CYTH3: variants seen among roughly 807,000 people sequenced by gnomAD.
CYTH3 encodes the protein cytohesin 3.
Under a neutral mutation model 55.1 loss-of-function variants are expected in CYTH3, and 23 were observed. That is an observed-to-expected ratio of 0.42 (90% confidence interval 0.30 to 0.59). The LOEUF is 0.59. Ranked by LOEUF, CYTH3 falls within the 20% of genes least tolerant of loss-of-function variation. The pLI is 0.20. For missense variants in CYTH3, 413 were observed against 524.8 expected (o/e 0.79, Z 2.08); for synonymous variants, 249 against 194.9 (o/e 1.28, Z -2.31).
Position 6,206,998 on chromosome 7 carries a change from T to C in CYTH3, c.35-16467A>G, listed in dbSNP as rs145510427. ...TAAGTAAACCATTATTTTTATGTCCTGTTTAAAAGAAAAAACACCAATACT... is the reference window on the plus strand; with the variant it reads ...TAAGTAAACCATTATTTTTATGTCCCGTTTAAAAGAAAAAACACCAATACT... On this transcript the variant is annotated intron_variant, in intron 1 of 12. Coordinates refer to ENST00000350796, the MANE Select transcript of CYTH3 (RefSeq NM_004227.4). Among the ~76,000 whole-genome samples the C allele has an allele frequency of 3.0e-4, 45 of 152,048 alleles. No homozygotes were observed. The East Asian group carries it at 8.1e-3, about 27-fold the overall frequency.
chr7:6,190,675 A>C, intron 1 of CYTH3, 144 bp from the exon 2 acceptor site: 1 of 607,748 alleles, frequency 1.6e-6, no homozygotes, highest in Non-Finnish European at 2.7e-6. Context: ...ACTGTATCTG[A>C]GACACTCATA....
At chr7:6,252,368 A>G (rs1240298931) in intron 1 of CYTH3, among the ~76,000 whole-genome samples, 1 of 152,186 alleles carries the variant, frequency 6.6e-6, no homozygotes, top group Non-Finnish European at 1.5e-5. Flanking sequence ...TCAGCCTCAC[A>G]TATACTCTCT....
intron 1 of CYTH3, among the ~76,000 whole-genome samples, chr7:6,263,851 C>G (rs925464215): frequency 6.6e-6 from 1 of 151,572 alleles, no homozygotes; most frequent in East Asian, 1.9e-4. Context: ...AAAACGTGAT[C>G]GCAGTTAAAT....
intron 4 of CYTH3, among the ~76,000 whole-genome samples, chr7:6,186,413 G>C (rs1343422199): frequency 6.6e-6 from 1 of 152,112 alleles, no homozygotes; most frequent in Non-Finnish European, 1.5e-5. Flanking sequence ...AAGCTTCACA[G>C]ATTCTGCCAA....
intron 1 of CYTH3, among the ~76,000 whole-genome samples, chr7:6,226,393 T>G (rs1779251697): frequency 6.6e-6 from 1 of 152,104 alleles, no homozygotes; most frequent in African/African-American, 2.4e-5. Context: ...CACAAACATC[T>G]AAAAGGTGGA....
chr7:6,173,754 T>C, intron 5 of CYTH3, 21 bp from the exon 6 acceptor site: 1 of 1,416,534 alleles, frequency 7.1e-7, no homozygotes, highest in Non-Finnish European at 1.0e-6. Context: ...AAGAAGTAAG[T>C]TTCAAACCTA....
At chr7:6,165,193 C>A in intron 12 of CYTH3, 80 bp downstream of exon 12, 2 of 1,561,256 alleles carry the variant, frequency 1.3e-6, no homozygotes, top group Non-Finnish European at 1.7e-6. Flanking sequence ...CACACGGAAG[C>A]ATCCATGTTC....
rs745818211 is a variant in CYTH3, at chr7:6,173,749, G to GT, written c.369-17dup. On this transcript the variant is annotated splice_polypyrimidine_tract_variant and intron_variant, in intron 5 of 12. Coordinates refer to ENST00000350796, the MANE Select transcript of CYTH3 (RefSeq NM_004227.4). ...AAATTCATCCCTGGGAAAAAAAGAA[G>GT]TAAGTTTCAAACCTAATGTACATTA... 4.7e-6 allele frequency: 7 copies of GT among 1,494,802 alleles called. No homozygotes were observed. In the South Asian group the frequency reaches 7.9e-5, roughly 17 times the overall value. 92.6% of individuals were successfully genotyped at this position (1,494,802 alleles called of 1,614,324 possible).
chr7:6,207,168 C>T (rs893622676), intron 1 of CYTH3, among the ~76,000 whole-genome samples: 1 of 139,852 alleles, frequency 7.2e-6, no homozygotes, highest in Non-Finnish European at 1.5e-5. Flanking sequence ...GATCTTGGCT[C>T]ACTGCAAGCT....
intron 1 of CYTH3, among the ~76,000 whole-genome samples, chr7:6,227,740 T>C (rs1779291338): frequency 6.6e-6 from 1 of 152,350 alleles, no homozygotes; most frequent in South Asian, 2.1e-4. Flanking sequence ...CCCAAACGGG[T>C]TGTCAAATTC....
At chr7:6,197,511 C>T (rs893396026) in intron 1 of CYTH3, among the ~76,000 whole-genome samples, 1 of 152,018 alleles carries the variant, frequency 6.6e-6, no homozygotes, top group Non-Finnish European at 1.5e-5. Flanking sequence ...GATGAAATCC[C>T]GTCTCTACTA....
intron 1 of CYTH3, among the ~76,000 whole-genome samples, chr7:6,259,772 T>TATAATATATATATATATTATATA (rs1491219669): frequency 6.6e-5 from 2 of 30,502 alleles, no homozygotes; most frequent in South Asian, 1.0e-3. Context: ...TATATATATA[T>TATAATATATATATATATTATATA]TATATATATA....
intron 4 of CYTH3, among the ~76,000 whole-genome samples, chr7:6,180,182 G>A (rs1436137207): frequency 7.9e-5 from 12 of 152,168 alleles, no homozygotes; most frequent in Admixed American, 7.8e-4. Context: ...CTGGGGGCCT[G>A]ACCCTGCATG....
chr7:6,187,007 A>T, intron 4 of CYTH3, 43 bp downstream of exon 4: 1 of 1,582,218 alleles, frequency 6.3e-7, no homozygotes, highest in Non-Finnish European at 8.7e-7. Context: ...CAAATCAATT[A>T]GTCCATCTCC....
chr7:6,240,987 T>G (rs1395575339), intron 1 of CYTH3, among the ~76,000 whole-genome samples: 2 of 149,056 alleles, frequency 1.3e-5, no homozygotes, highest in Non-Finnish European at 3.0e-5. Flanking sequence ...TTGGGCATGG[T>G]GGCATGTGCC....
At chr7:6,245,118 C>G (rs1019687922) in intron 1 of CYTH3, among the ~76,000 whole-genome samples, 10 of 151,356 alleles carry the variant, frequency 6.6e-5, no homozygotes, top group African/African-American at 2.4e-4. Flanking sequence ...CGCGCCCGGC[C>G]TTCTAGTCTT....
intron 2 of CYTH3, 100 bp downstream of exon 2, chr7:6,190,346 GTTT>G (rs544153947): frequency 2.8e-4 from 176 of 626,504 alleles, no homozygotes; most frequent in Non-Finnish European, 2.9e-4. Flanking sequence ...TTGTTTTTGG[GTTT>G]TTTTTTTTTT....
chr7:6,190,461 A>G lies in CYTH3; in HGVS notation c.105T>C (p.Ile35=). 1 of 1,502,792 alleles carries G rather than the reference A, an allele frequency of 6.7e-7. No individual in the cohort carries two copies. The highest frequency in any genetic ancestry group is 8.8e-7 in the Non-Finnish European group (1 of 1,136,580). 93.1% of individuals were successfully genotyped at this position (1,502,792 alleles called of 1,614,324 possible). A position where few individuals can be genotyped will look rare whatever the true frequency, so the allele number is the denominator to read the frequency against. The part of the protein sequence containing the change: ...LDIRRRKKEL[I]DDIERLKYEI... ...TTTTTTTTTTTACCTCAATGTCATC[A>G]ATAAGTTCCTTTTTTCTTCGACGAA... The change falls in exon 2 of 13, where the codon ATT becomes ATC. Residue 35 remains isoleucine, a synonymous_variant. Transcript: ENST00000350796.
intron 4 of CYTH3, among the ~76,000 whole-genome samples, chr7:6,178,242 T>C (rs1280590611): frequency 6.6e-6 from 1 of 152,260 alleles, no homozygotes; most frequent in Non-Finnish European, 1.5e-5. Context: ...ACAGTAATAT[T>C]AGATTTCCCA....
Sources: allele counts gnomAD v4.1 joint callset (sites outside exome capture counted in the v4.1 genomes callset), GRCh38; gene constraint gnomAD v4.1.1; transcripts MANE v1.5; gene names NCBI Gene and HGNC (gene_info 2026-07-23, HGNC 2026-07-21).